The following DLEU7 variants were observed in gnomAD, a reference collection of about 807,000 sequenced individuals.
The protein encoded by DLEU7 is deleted in lymphocytic leukemia 7, also known as leukemia-associated protein 7.
In DLEU7, 17 loss-of-function variants were observed where a neutral mutation model predicts 16.0. The observed-to-expected ratio is 1.06, with a 90% CI of 0.73 to 1.59. The LOEUF (loss-of-function observed/expected upper bound fraction) is 1.59, where lower values mean the gene tolerates loss of function less well. Ranked by LOEUF, DLEU7 falls within the 40% of genes most tolerant of loss-of-function variation. DLEU7 has a pLI of 0.00. For synonymous variants in DLEU7, 113 were observed against 139.8 expected, an observed-to-expected ratio of 0.81 and a Z score of 1.35; for missense variants, 308 against 314.9, an observed-to-expected ratio of 0.98 and a Z score of 0.17.
intron 1 of DLEU7, among the ~76,000 whole-genome samples, chr13:50,825,720 T>G (rs187741864): frequency 1.6e-4 from 25 of 152,324 alleles, no homozygotes; most frequent in African/African-American, 6.0e-4. Flanking sequence ...CCACCTATTA[T>G]CTGATGATGA....
chr13:50,732,372 AG>A (rs1873934933), intron 1 of DLEU7, among the ~76,000 whole-genome samples: 1 of 152,072 alleles, frequency 6.6e-6, no homozygotes, highest in Non-Finnish European at 1.5e-5. Flanking sequence ...GCACTTTGGG[AG>A]GCTGAGGTGG....
chr13:50,786,384 CAT>C (rs1233284592), intron 1 of DLEU7, among the ~76,000 whole-genome samples: 1 of 152,114 alleles, frequency 6.6e-6, no homozygotes, highest in Non-Finnish European at 1.5e-5. Context: ...TTCCTGAACA[CAT>C]AGATAAGAGC....
intron 1 of DLEU7, among the ~76,000 whole-genome samples, chr13:50,790,287 C>T (rs1566252142): frequency 6.6e-6 from 1 of 152,076 alleles, no homozygotes. Flanking sequence ...ATCAATATCT[C>T]TTTCTTTTGT....
At chr13:50,721,474 A>T (rs548038014) in intron 1 of DLEU7, among the ~76,000 whole-genome samples, 2 of 127,310 alleles carry the variant, frequency 1.6e-5, no homozygotes, top group South Asian at 4.5e-4. Flanking sequence ...ATCTAGCATT[A>T]AAAAAAAATG....
chr13:50,791,418 G>A (rs1307698426), intron 1 of DLEU7, among the ~76,000 whole-genome samples: 2 of 152,194 alleles, frequency 1.3e-5, no homozygotes, highest in Non-Finnish European at 2.9e-5. Flanking sequence ...AGGTGGGTGA[G>A]AAAAGCCACC....
chr13:50,743,839 TAA>T (rs2137727366), intron 1 of DLEU7, among the ~76,000 whole-genome samples: 1 of 152,332 alleles, frequency 6.6e-6, no homozygotes, highest in South Asian at 2.1e-4. Context: ...CAAAAATCAA[TAA>T]AGTTTCCTCA....
chr13:50,814,761 A>AGAGTGTGTGTGTGT (rs1555293748), intron 1 of DLEU7, among the ~76,000 whole-genome samples: 1 of 138,556 alleles, frequency 7.2e-6, no homozygotes, highest in African/African-American at 2.7e-5. Context: ...TATTCATGTG[A>AGAGTGTGTGTGTGT]GTGTGTGTGT....
chr13:50,752,689 C>T (rs1200291004), intron 1 of DLEU7, among the ~76,000 whole-genome samples: 6 of 151,598 alleles, frequency 4.0e-5, no homozygotes, highest in African/African-American at 1.5e-4. Context: ...TTCATTCCTG[C>T]CAGTGGGTTC....
At chr13:50,783,608 G>A (rs1389681713) in intron 1 of DLEU7, among the ~76,000 whole-genome samples, 1 of 152,212 alleles carries the variant, frequency 6.6e-6, no homozygotes, top group Non-Finnish European at 1.5e-5. Flanking sequence ...GGTGACTGCA[G>A]TGAAGTCCTG....
chr13:50,728,388 A>T (rs1433577041), intron 1 of DLEU7, among the ~76,000 whole-genome samples: 2 of 152,228 alleles, frequency 1.3e-5, no homozygotes, highest in Non-Finnish European at 2.9e-5. Flanking sequence ...TCTATGCTCA[A>T]ATGAGTTCTA....
chr13:50,841,568 A>G (rs1877660084), intron 1 of DLEU7, among the ~76,000 whole-genome samples: 1 of 152,006 alleles, frequency 6.6e-6, no homozygotes, highest in South Asian at 2.1e-4. Context: ...ACATTTTTTA[A>G]AAATCCCTGA....
intron 1 of DLEU7, among the ~76,000 whole-genome samples, chr13:50,739,991 T>C (rs1298297613): frequency 6.6e-6 from 1 of 151,972 alleles, no homozygotes; most frequent in Non-Finnish European, 1.5e-5. Context: ...GTGTAGAGAG[T>C]TGATCCCTGC....
downstream of DLEU7, among the ~76,000 whole-genome samples, chr13:50,818,164 G>A (rs760122647): frequency 4.6e-5 from 7 of 152,054 alleles, no homozygotes; most frequent in East Asian, 7.7e-4. Context: ...CTTTATGCAC[G>A]TGTCACACAT....
chr13:50,742,254 C>A (rs751517478), intron 1 of DLEU7, among the ~76,000 whole-genome samples: 1 of 151,936 alleles, frequency 6.6e-6, no homozygotes, highest in Admixed American at 6.6e-5. Flanking sequence ...ATGCAATCAA[C>A]GAATCAATAA....
intron 1 of DLEU7, among the ~76,000 whole-genome samples, chr13:50,835,925 G>A (rs904275154): frequency 1.3e-5 from 2 of 152,226 alleles, no homozygotes; most frequent in Non-Finnish European, 2.9e-5. Flanking sequence ...ATCTAGCAGT[G>A]TGAGTCCATT....
intron 1 of DLEU7, among the ~76,000 whole-genome samples, chr13:50,832,084 G>A (rs989153343): frequency 2.0e-5 from 3 of 152,142 alleles, no homozygotes; most frequent in African/African-American, 7.2e-5. Flanking sequence ...TGTACCTCTG[G>A]TGGAATTCAA....
chr13:50,781,608 C>T (rs1029257809), intron 1 of DLEU7, among the ~76,000 whole-genome samples: 2 of 152,150 alleles, frequency 1.3e-5, no homozygotes, highest in African/African-American at 2.4e-5. Flanking sequence ...GATGGTGACA[C>T]TCCCCTACCT....
chr13:50,748,120 G>A (rs1203096473), intron 1 of DLEU7, among the ~76,000 whole-genome samples: 5 of 151,754 alleles, frequency 3.3e-5, no homozygotes, highest in African/African-American at 1.2e-4. Context: ...AAGTTTTTTT[G>A]TGTGTACACA....
At chr13:50,777,419 C>G (rs943158283) in intron 1 of DLEU7, among the ~76,000 whole-genome samples, 15 of 152,178 alleles carry the variant, frequency 9.9e-5, no homozygotes, top group African/African-American at 3.4e-4. Flanking sequence ...CAACCTACAT[C>G]TTTTTCCTAT....
Sources: gnomAD v4.1 joint callset for allele counts (sites outside exome capture counted in the v4.1 genomes callset) on GRCh38, gnomAD v4.1.1 for gene constraint, MANE v1.5 for transcripts, NCBI Gene and HGNC (gene_info 2026-07-23, HGNC 2026-07-21) for gene names.